The following ARHGAP31 variants were observed in gnomAD, a reference collection of about 807,000 sequenced individuals.
The protein encoded by ARHGAP31 is Rho GTPase activating protein 31.
In ARHGAP31, 34 loss-of-function variants were observed where a neutral mutation model predicts 113.9. The observed-to-expected ratio is 0.30, with a 90% CI of 0.23 to 0.40. ARHGAP31 has a LOEUF of 0.40. ARHGAP31 is among the 10% of genes least tolerant of loss of function. The probability of loss-of-function intolerance (pLI) is 1.00; values close to 1 mark genes in which losing one functional copy is unlikely to be tolerated. For missense variants in ARHGAP31, 1,548 were observed against 1,767.1 expected (o/e 0.88, Z 2.22); for synonymous variants, 650 against 684.8 (o/e 0.95, Z 0.79).
intron 11 of ARHGAP31, among the ~76,000 whole-genome samples, chr3:119,412,911 G>C (rs2080728670): frequency 6.6e-6 from 1 of 151,984 alleles, no homozygotes; most frequent in African/African-American, 2.4e-5. Flanking sequence ...CCAGCTACTT[G>C]GGGGGCTGAG....
At position 119,414,714 on chromosome 3, in the gene ARHGAP31, G is replaced by A. The variant is rs775386716; in HGVS notation, c.2785G>A (p.Ala929Thr). The change falls in exon 12 of 12, where the codon GCC (alanine) becomes ACC (threonine). Residue 929 changes from alanine (A) to threonine (T), a missense_variant. Physicochemically the swap from Ala to Thr is moderately conservative, Grantham distance 58. Coordinates refer to ENST00000264245, the MANE Select transcript of ARHGAP31 (RefSeq NM_020754.4). ...HSPTLKDAHK[A>T]QVQGLQGHQL... is the part of the protein sequence containing the mutation. ...TCCCACCCTGAAAGACGCGCACAAGGCCCAGGTACAGGGCCTTCAGGGTCA... is the reference window on the plus strand; with the variant it reads ...TCCCACCCTGAAAGACGCGCACAAGACCCAGGTACAGGGCCTTCAGGGTCA... 3 of 1,614,190 alleles carry A rather than the reference G, an allele frequency of 1.9e-6. No individual in the cohort carries two copies. The Admixed American group carries it at 5.0e-5, about 27-fold the overall frequency.
intron 1 of ARHGAP31, among the ~76,000 whole-genome samples, chr3:119,357,163 A>G (rs2080165574): frequency 6.6e-6 from 1 of 152,242 alleles, no homozygotes; most frequent in Non-Finnish European, 1.5e-5. Context: ...AGAAAGTGCC[A>G]CAAAGGGAGG....
At chr3:119,340,175 A>G (rs2079995642) in intron 1 of ARHGAP31, among the ~76,000 whole-genome samples, 3 of 152,266 alleles carry the variant, frequency 2.0e-5, no homozygotes, top group African/African-American at 7.2e-5. Context: ...GATGTTCATC[A>G]TCATCAGCCA....
intron 1 of ARHGAP31, among the ~76,000 whole-genome samples, chr3:119,364,585 A>G (rs2080237998): frequency 6.6e-6 from 1 of 152,178 alleles, no homozygotes; most frequent in South Asian, 2.1e-4. Flanking sequence ...TAAAAGGCAC[A>G]GATTGCTGGG....
At chr3:119,408,990 G>A (rs1026428481) in intron 10 of ARHGAP31, among the ~76,000 whole-genome samples, 2 of 152,110 alleles carry the variant, frequency 1.3e-5, no homozygotes, top group African/African-American at 4.8e-5. Context: ...TAGACTTCTC[G>A]AAGTCTGACT....
rs2080802302 is a variant in ARHGAP31 at position 119,419,053 on chromosome 3, C to T, written c.*2789C>T. On this transcript the variant is annotated 3_prime_UTR_variant, in exon 12 of 12. Coordinates refer to ENST00000264245, the MANE Select transcript of ARHGAP31 (RefSeq NM_020754.4). ...CTCTGGGATTACCTATTTCACCACT[C>T]ATTTGAGTCTCCGAAAAATGAACTC... 2 of 152,114 alleles carry T rather than the reference C, an allele frequency of 1.3e-5. No homozygotes were observed. Among genetic ancestry groups the T allele is most frequent in the Non-Finnish European group, 2.9e-5 (2 of 68,076 alleles). The allele number at this position is 152,114 out of a possible 1,614,324, so 9.4% of individuals were successfully genotyped here.
At chr3:119,312,022 C>T (rs751222462) in intron 1 of ARHGAP31, among the ~76,000 whole-genome samples, 3 of 152,220 alleles carry the variant, frequency 2.0e-5, no homozygotes, top group Non-Finnish European at 4.4e-5. Context: ...TATCTATCTG[C>T]CTGAACTCTC....
At chr3:119,344,551 TAAC>T (rs1157600962) in intron 1 of ARHGAP31, among the ~76,000 whole-genome samples, 1 of 152,238 alleles carries the variant, frequency 6.6e-6, no homozygotes, top group Non-Finnish European at 1.5e-5. Flanking sequence ...ACAATTAAAA[TAAC>T]AATAGCAATT....
intron 6 of ARHGAP31, 40 bp downstream of exon 6, chr3:119,383,266 T>G (rs1283740419): frequency 6.2e-7 from 1 of 1,612,384 alleles, no homozygotes; most frequent in Non-Finnish European, 8.5e-7. Flanking sequence ...CAGCTTATCC[T>G]TCTTTCTTGC....
chr3:119,414,000 G>A lies in ARHGAP31; in HGVS notation c.2071G>A (p.Gly691Arg), dbSNP rs769552576. 1 of 1,614,122 alleles carries A rather than the reference G, an allele frequency of 6.2e-7. No homozygotes were observed. Among genetic ancestry groups the A allele is most frequent in the South Asian group, 1.1e-5 (1 of 91,076 alleles). Reference sequence around the variant, plus strand: ...TCAGCCTATTCTCGAGTCGAGTCTGGGGCCCTTTATTCCCTCAGAGCCTCC... The same window carrying A: ...TCAGCCTATTCTCGAGTCGAGTCTGAGGCCCTTTATTCCCTCAGAGCCTCC... ...PIQPILESSL[G>R]PFIPSEPPGS... Residue 691 changes from glycine to arginine, a missense_variant, in exon 12 of 12, where the codon GGG becomes AGG. Coordinates refer to ENST00000264245, the MANE Select transcript of ARHGAP31 (RefSeq NM_020754.4).
rs1410195739 is a variant in ARHGAP31, at chr3:119,417,500, C to G, written c.*1236C>G. On this transcript the variant is annotated 3_prime_UTR_variant, in exon 12 of 12. Coordinates refer to ENST00000264245, the MANE Select transcript of ARHGAP31 (RefSeq NM_020754.4). ...GTGCCTCACATCTGTAATCCCAACA[C>G]TTTGGGAGGCTGAGATGGGTGGATT... is the stretch of plus-strand genomic sequence containing the variant. The G allele has an allele frequency of 2.0e-5, 3 of 152,186 alleles. No individual in the cohort carries two copies. Among genetic ancestry groups the G allele is most frequent in the Non-Finnish European group, 4.4e-5 (3 of 68,164 alleles). The allele number at this position is 152,186 out of a possible 1,614,324, so 9.4% of individuals were successfully genotyped here. A position where few individuals can be genotyped will look rare whatever the true frequency, so the allele number is the denominator to read the frequency against.
At chr3:119,371,954 G>C (rs1051506171) in intron 3 of ARHGAP31, among the ~76,000 whole-genome samples, 5 of 152,104 alleles carry the variant, frequency 3.3e-5, no homozygotes, top group Non-Finnish European at 2.9e-5. Context: ...CTTTTTTAAG[G>C]CTGCATAGTA....
chr3:119,414,110 A>T lies in ARHGAP31; in HGVS notation c.2181A>T (p.Thr727=). 6.2e-7 allele frequency: 1 copy of T among 1,614,174 alleles called. No individual in the cohort carries two copies. Among genetic ancestry groups the T allele is most frequent in the Non-Finnish European group, 8.5e-7 (1 of 1,180,018 alleles). The change falls in exon 12 of 12, where the codon ACA becomes ACT. Residue 727 remains threonine, a synonymous_variant. Coordinates refer to ENST00000264245, the MANE Select transcript of ARHGAP31 (RefSeq NM_020754.4). ...VWTRDPANQS[T]QGASTAASRE... ...CTAGGGATCCAGCCAATCAGAGCAC[A>T]CAGGGGGCTTCCACAGCAGCCAGCA...
chr3:119,345,191 T>C (rs924879052), intron 1 of ARHGAP31, among the ~76,000 whole-genome samples: 1 of 152,052 alleles, frequency 6.6e-6, no homozygotes, highest in African/African-American at 2.4e-5. Context: ...ATTCACCATG[T>C]TAGCCAGGAT....
chr3:119,356,567 G>A (rs1344860149), intron 1 of ARHGAP31, among the ~76,000 whole-genome samples: 2 of 151,664 alleles, frequency 1.3e-5, no homozygotes, highest in Admixed American at 1.3e-4. Context: ...GGAGGCAGAG[G>A]TTGCAGTGAG....
intron 1 of ARHGAP31, among the ~76,000 whole-genome samples, chr3:119,343,428 C>A (rs977429181): frequency 1.9e-4 from 29 of 152,186 alleles, no homozygotes; most frequent in Non-Finnish European, 2.2e-4. Flanking sequence ...ATGTGACATG[C>A]TTAGCCCAGT....
chr3:119,299,291 G>A (rs758242939), intron 1 of ARHGAP31, among the ~76,000 whole-genome samples: 12 of 152,284 alleles, frequency 7.9e-5, no homozygotes, highest in South Asian at 4.1e-4. Flanking sequence ...CTGGATAAGC[G>A]GCCTTAGCCA....
chr3:119,346,771 A>T (rs1355200990), intron 1 of ARHGAP31, among the ~76,000 whole-genome samples: 2 of 152,202 alleles, frequency 1.3e-5, no homozygotes, highest in African/African-American at 4.8e-5. Flanking sequence ...AGGAAATCTT[A>T]ATCACTTTTC....
rs1298141450 is a variant in ARHGAP31 at position 119,396,776 on chromosome 3, G to C, written c.1007-2423G>C. Among the ~76,000 whole-genome samples, 3 of 152,314 alleles carry C rather than the reference G, an allele frequency of 2.0e-5. No individual in the cohort carries two copies. In the East Asian group the frequency reaches 5.8e-4, roughly 29 times the overall value. The stretch of plus-strand genomic sequence containing the variant: ...GTATTGGGATTGTTTTGGGTGGGGA[G>C]GAGTTGGTGAGGGGGTGTTTAACCA... On this transcript the variant is annotated intron_variant, in intron 8 of 11. Transcript: ENST00000264245.
Sources: gnomAD v4.1 joint callset for allele counts (sites outside exome capture counted in the v4.1 genomes callset) on GRCh38, gnomAD v4.1.1 for gene constraint, MANE v1.5 for transcripts, NCBI Gene and HGNC (gene_info 2026-07-23, HGNC 2026-07-21) for gene names.